The following DYM variants were observed in gnomAD, a reference collection of about 807,000 sequenced individuals.
The protein encoded by DYM is dymeclin.
A neutral mutation model predicts 93.1 loss-of-function variants in DYM; 78 were observed. The observed-to-expected ratio is 0.84, with a 90% confidence interval of 0.70 to 1.01. The LOEUF (loss-of-function observed/expected upper bound fraction) is 1.01. DYM is among the 50% of genes least tolerant of loss of function. The pLI, the probability that DYM is intolerant of heterozygous loss-of-function variation, is 0.00. For synonymous variants in DYM, 321 were observed against 319.7 expected, an observed-to-expected ratio of 1.00 and a Z score of -0.04; for missense variants, 789 against 845.0, an observed-to-expected ratio of 0.93 and a Z score of 0.82.
intron 15 of DYM, among the ~76,000 whole-genome samples, chr18:49,128,698 T>G (rs2083076551): frequency 6.6e-6 from 1 of 152,222 alleles, no homozygotes; most frequent in South Asian, 2.1e-4. Context: ...AAGTAAATTT[T>G]ATTAATATAA....
intron 6 of DYM, among the ~76,000 whole-genome samples, chr18:49,356,557 G>A (rs768039547): frequency 6.6e-6 from 1 of 152,144 alleles, no homozygotes; most frequent in Non-Finnish European, 1.5e-5. Flanking sequence ...TAGATTCAAA[G>A]AAGTATTTTA....
chr18:49,435,661 C>T (rs370325158), intron 1 of DYM, among the ~76,000 whole-genome samples: 4 of 151,848 alleles, frequency 2.6e-5, no homozygotes, highest in South Asian at 2.1e-4. Context: ...AAGTGTCAGG[C>T]GTCTGTAATC....
intron 17 of DYM, among the ~76,000 whole-genome samples, chr18:49,065,641 C>T (rs1046956022): frequency 6.6e-6 from 1 of 152,150 alleles, no homozygotes; most frequent in South Asian, 2.1e-4. Context: ...GGATTACAGG[C>T]ATGAGCCACT....
At chr18:49,217,465 A>C (rs1422951565) in intron 13 of DYM, among the ~76,000 whole-genome samples, 1 of 152,112 alleles carries the variant, frequency 6.6e-6, no homozygotes, top group Non-Finnish European at 1.5e-5. Context: ...GATTCACCAA[A>C]GTTGAAATGA....
intron 8 of DYM, among the ~76,000 whole-genome samples, chr18:49,300,123 A>T (rs1176602226): frequency 2.0e-5 from 3 of 147,832 alleles, no homozygotes; most frequent in African/African-American, 7.4e-5. Flanking sequence ...AAATATATAC[A>T]TATTTGTATG....
chr18:49,060,474 A>C (rs1181833142), intron 17 of DYM, among the ~76,000 whole-genome samples: 2 of 151,598 alleles, frequency 1.3e-5, no homozygotes, highest in Middle Eastern at 3.4e-3. Context: ...TATTTCCTAC[A>C]AAGTGCCTGG....
At chr18:49,354,780 C>T (rs540808112) in intron 6 of DYM, among the ~76,000 whole-genome samples, 15 of 152,192 alleles carry the variant, frequency 9.9e-5, no homozygotes, top group African/African-American at 3.1e-4. Flanking sequence ...CACCACCAAA[C>T]GCTGACAAGG....
At chr18:49,162,789 CTT>C (rs2087327815) in intron 15 of DYM, among the ~76,000 whole-genome samples, 1 of 152,138 alleles carries the variant, frequency 6.6e-6, no homozygotes, top group Non-Finnish European at 1.5e-5. Flanking sequence ...AGAATGAGGA[CTT>C]TAAGACTTTA....
chr18:49,292,606 A>C (rs1253734001), intron 8 of DYM, among the ~76,000 whole-genome samples: 5,838 of 70,416 alleles, frequency 0.083, 423 homozygotes, highest in East Asian at 0.32. Flanking sequence ...AAAAAAAAAA[A>C]AAAAAAAAAA....
chr18:49,132,443 T>C (rs904138277), intron 15 of DYM, among the ~76,000 whole-genome samples: 1 of 151,942 alleles, frequency 6.6e-6, no homozygotes, highest in Admixed American at 6.6e-5. Flanking sequence ...AGAATAACCA[T>C]GAAAAAAGGG....
At chr18:49,168,789 C>T (rs2088256624) in intron 14 of DYM, among the ~76,000 whole-genome samples, 1 of 152,136 alleles carries the variant, frequency 6.6e-6, no homozygotes, top group Non-Finnish European at 1.5e-5. Flanking sequence ...AGATTAGGTG[C>T]ATTCCACAGA....
chr18:49,078,377 C>T (rs2077490794), intron 17 of DYM, among the ~76,000 whole-genome samples: 1 of 149,908 alleles, frequency 6.7e-6, no homozygotes, highest in Admixed American at 6.6e-5. Flanking sequence ...ACCTATGCAC[C>T]CACAAAAATT....
chr18:49,404,648 AT>A (rs1320792542), intron 2 of DYM, among the ~76,000 whole-genome samples: 1 of 152,022 alleles, frequency 6.6e-6, no homozygotes. Flanking sequence ...TGCGGTTTTG[AT>A]TTGCGTTTCT....
intron 16 of DYM, among the ~76,000 whole-genome samples, chr18:49,108,003 C>T (rs1041850291): frequency 1.3e-5 from 2 of 152,220 alleles, no homozygotes; most frequent in Admixed American, 6.5e-5. Context: ...TGCCCCAAGA[C>T]GTGGAGTCTA....
chr18:49,138,842 C>T (rs983824885), intron 15 of DYM, among the ~76,000 whole-genome samples: 4 of 151,908 alleles, frequency 2.6e-5, no homozygotes, highest in Non-Finnish European at 5.9e-5. Flanking sequence ...AGGAAGTGTC[C>T]GATTTAAGTC....
intron 6 of DYM, among the ~76,000 whole-genome samples, chr18:49,361,997 T>C (rs920388235): frequency 6.6e-6 from 1 of 151,684 alleles, no homozygotes; most frequent in Admixed American, 6.6e-5. Flanking sequence ...ATGCTGAGAT[T>C]ACAGGCATAA....
rs1284751135 is a variant in DYM at position 49,042,192 on chromosome 18, G to T, written c.*1863C>A. 6.5e-6 allele frequency: 1 copy of T among 153,002 alleles called. No individual in the cohort carries two copies. The highest frequency in any genetic ancestry group is 1.9e-4 in the East Asian group (1 of 5,194). The allele number at this position is 153,002 out of a possible 1,614,324, so 9.5% of individuals were successfully genotyped here. On this transcript the variant is annotated 3_prime_UTR_variant, in exon 18 of 18. Coordinates refer to ENST00000675505, the MANE Select transcript of DYM (RefSeq NM_001353214.3). ...AAGTTGTTGCCAAGCCTCACCTCTA[G>T]CCTGTACATGGGCTCTGAGGTGAAC...
At chr18:49,204,525 T>C (rs1478699162) in intron 14 of DYM, among the ~76,000 whole-genome samples, 3 of 152,222 alleles carry the variant, frequency 2.0e-5, no homozygotes, top group Admixed American at 6.5e-5. Context: ...CACAGATTTC[T>C]CACCAAACTT....
intron 17 of DYM, among the ~76,000 whole-genome samples, chr18:49,079,212 A>C (rs957740877): frequency 2.0e-5 from 3 of 152,204 alleles, no homozygotes; most frequent in African/African-American, 7.2e-5. Context: ...TGCAAAGAAA[A>C]AAAATGAGGA....
Sources: gnomAD v4.1 joint callset for allele counts (sites outside exome capture counted in the v4.1 genomes callset) on GRCh38, gnomAD v4.1.1 for gene constraint, MANE v1.5 for transcripts, NCBI Gene and HGNC (gene_info 2026-07-23, HGNC 2026-07-21) for gene names.